Variants in RAF1 observed in about 807,000 individuals in gnomAD.
RAF1 encodes RAF proto-oncogene serine/threonine-protein kinase.
RAF1 carries 27 observed loss-of-function variants against 81.1 expected under a neutral mutation model. The observed-to-expected ratio is 0.33, with a 90% CI of 0.25 to 0.46. RAF1 has a LOEUF of 0.46. Ranked by LOEUF, RAF1 falls within the 20% of genes least tolerant of loss-of-function variation. The probability of loss-of-function intolerance (pLI) is 1.00; values close to 1 mark genes in which losing one functional copy is unlikely to be tolerated. For missense variants in RAF1, 598 were observed against 826.0 expected (o/e 0.72, Z 3.38); for synonymous variants, 298 against 294.0 (o/e 1.01, Z -0.14).
At chr3:12,637,450 A>T (rs1004246883) in intron 1 of RAF1, among the ~76,000 whole-genome samples, 2 of 151,378 alleles carry the variant, frequency 1.3e-5, no homozygotes, top group Non-Finnish European at 2.9e-5. Context: ...TTTTCAGTAG[A>T]GACAGGGTTT....
intron 1 of RAF1, among the ~76,000 whole-genome samples, chr3:12,659,933 A>C (rs1265588527): frequency 6.6e-6 from 1 of 152,192 alleles, no homozygotes; most frequent in Admixed American, 6.6e-5. Context: ...GCAGTAGGTT[A>C]CTAACAAAGA....
chr3:12,634,385 A>G (rs1422826472), intron 1 of RAF1, among the ~76,000 whole-genome samples: 3 of 151,442 alleles, frequency 2.0e-5, no homozygotes, highest in Non-Finnish European at 4.4e-5. Context: ...TCCTGATCTC[A>G]GGTGATCCAC....
At chr3:12,590,766 G>A (rs776316074) in intron 13 of RAF1, 32 bp downstream of exon 12, 1 of 1,590,306 alleles carries the variant, frequency 6.3e-7, no homozygotes, top group Admixed American at 1.7e-5. Flanking sequence ...TTGATGCCTG[G>A]GTCCCAGAGA....
intron 1 of RAF1, among the ~76,000 whole-genome samples, chr3:12,658,129 T>C (rs183155087): frequency 1.4e-3 from 212 of 152,322 alleles, no homozygotes; most frequent in Non-Finnish European, 2.0e-3. Flanking sequence ...CCATATCCAC[T>C]TGGAATATGT....
chr3:12,603,538 C>T lies in RAF1; in HGVS notation c.835-1G>A, dbSNP rs375404697. 62 of 700,376 alleles carry T rather than the reference C, an allele frequency of 8.9e-5. 4 individuals are homozygous for T. The highest frequency in any genetic ancestry group is 1.4e-4 in the African/African-American group (8 of 57,284). 43.4% of individuals were successfully genotyped at this position (700,376 alleles called of 1,614,324 possible). A position where few individuals can be genotyped will look rare whatever the true frequency, so the allele number is the denominator to read the frequency against. On this transcript the variant is annotated splice_acceptor_variant, in intron 7 of 17. Transcript: ENST00000442415. LOFTEE classifies it high-confidence loss of function. ...TGGGAGAAGCACTCAGGTTGTTATT[C>T]TAGTCCAAAGCAATGAGAAATAAAG... is the stretch of plus-strand genomic sequence containing the variant.
intron 1 of RAF1, among the ~76,000 whole-genome samples, chr3:12,644,906 T>C (rs891485476): frequency 2.6e-5 from 4 of 151,984 alleles, no homozygotes; most frequent in Admixed American, 1.3e-4. Context: ...CAGACCATCC[T>C]GGCCAACATG....
At chr3:12,652,281 G>A (rs566101319) in intron 1 of RAF1, among the ~76,000 whole-genome samples, 1 of 152,070 alleles carries the variant, frequency 6.6e-6, no homozygotes, top group East Asian at 1.9e-4. Context: ...CCAGAACTTT[G>A]GGAGGCCGAG....
At chr3:12,655,899 G>A (rs766546859) in intron 1 of RAF1, among the ~76,000 whole-genome samples, 18 of 151,906 alleles carry the variant, frequency 1.2e-4, no homozygotes, top group Non-Finnish European at 1.9e-4. Flanking sequence ...GTAGAATAGG[G>A]GTTACGAGGA....
chr3:12,607,716 G>A (rs1323068885), intron 5 of RAF1, among the ~76,000 whole-genome samples: 1 of 151,874 alleles, frequency 6.6e-6, no homozygotes, highest in Non-Finnish European at 1.5e-5. Context: ...ACTTTGGGAG[G>A]CCGAGGTGGG....
intron 5 of RAF1, 36 bp from the exon 6 acceptor site, chr3:12,606,335 T>G (rs773141647): frequency 1.7e-5 from 25 of 1,481,102 alleles, no homozygotes; most frequent in Non-Finnish European, 2.2e-5. Context: ...TTTTTAGGCT[T>G]GCAGTAATCT....
At chr3:12,609,769 C>A (rs1331338916) in intron 3 of RAF1, among the ~76,000 whole-genome samples, 1 of 152,110 alleles carries the variant, frequency 6.6e-6, no homozygotes, top group Non-Finnish European at 1.5e-5. Flanking sequence ...GTGTGAACCA[C>A]CATGTCTGGC....
intron 8 of RAF1, among the ~76,000 whole-genome samples, chr3:12,602,867 A>G (rs1242564121): frequency 6.6e-6 from 1 of 152,330 alleles, no homozygotes; most frequent in Non-Finnish European, 1.5e-5. Flanking sequence ...GAGAGAGAGC[A>G]TAGTTGTCTC....
At chr3:12,649,505 G>A (rs1411641625) in intron 1 of RAF1, among the ~76,000 whole-genome samples, 7 of 151,882 alleles carry the variant, frequency 4.6e-5, no homozygotes, top group South Asian at 2.1e-4. Flanking sequence ...AGGCTGAGGC[G>A]GGAGGATCAC....
At chr3:12,657,572 G>A (rs1377837609) in intron 1 of RAF1, among the ~76,000 whole-genome samples, 1 of 152,042 alleles carries the variant, frequency 6.6e-6, no homozygotes, top group Non-Finnish European at 1.5e-5. Flanking sequence ...GGGAGTTCGA[G>A]ACCAGTCTCA....
intron 1 of RAF1, among the ~76,000 whole-genome samples, chr3:12,662,812 C>T (rs985916790): frequency 6.6e-6 from 1 of 152,076 alleles, no homozygotes; most frequent in Admixed American, 6.6e-5. Flanking sequence ...TTCTAAATCC[C>T]CATAACACTT....
At chr3:12,590,731 T>C in intron 13 of RAF1, 67 bp downstream of exon 12, 1 of 1,511,466 alleles carries the variant, frequency 6.6e-7, no homozygotes, top group Admixed American at 1.7e-5. Context: ...CTTTTCCTGA[T>C]CCTGGTTCCA....
chr3:12,595,423 C>G (rs2058655596), intron 11 of RAF1, among the ~76,000 whole-genome samples: 1 of 152,154 alleles, frequency 6.6e-6, no homozygotes, highest in Non-Finnish European at 1.5e-5. Context: ...GGCTCTCAGA[C>G]AGATAATGAG....
chr3:12,594,327 G>A (rs760868616), intron 11 of RAF1, among the ~76,000 whole-genome samples: 20 of 152,216 alleles, frequency 1.3e-4, no homozygotes, highest in Admixed American at 2.6e-4. Context: ...AGCCTTTAAC[G>A]GGAGGGGACA....
At chr3:12,644,183 T>A (rs904215172) in intron 1 of RAF1, among the ~76,000 whole-genome samples, 1 of 152,144 alleles carries the variant, frequency 6.6e-6, no homozygotes, top group Non-Finnish European at 1.5e-5. Context: ...ACAAGTCAAA[T>A]CTGGAGAGAC....
Sources: allele counts gnomAD v4.1 joint callset (sites outside exome capture counted in the v4.1 genomes callset), GRCh38; gene constraint gnomAD v4.1.1; transcripts MANE v1.5; gene names NCBI Gene and HGNC (gene_info 2026-07-23, HGNC 2026-07-21).